Variants in NBAS observed in about 807,000 individuals in gnomAD.
The protein encoded by NBAS is NAG/BC035112 fusion.
NBAS carries 219 observed loss-of-function variants against 302.5 expected under a neutral mutation model. The observed-to-expected ratio is 0.72, with a 90% CI of 0.65 to 0.81. The LOEUF is 0.81. Among genes scored for constraint, NBAS ranks in the 30% least tolerant of loss-of-function variants. NBAS has a pLI of 0.00. For synonymous variants in NBAS, 1,118 were observed against 1,021.6 expected, an observed-to-expected ratio of 1.09 and a Z score of -1.80; for missense variants, 2,932 against 2,841.6, an observed-to-expected ratio of 1.03 and a Z score of -0.72.
chr2:15,025,415 T>C, the NBAS span, among the ~76,000 whole-genome samples: 17 of 152,236 alleles, frequency 1.1e-4, no homozygotes, highest in African/African-American at 3.9e-4. Context: ...TCCAGCTTTG[T>C]TCCTTTTGCT....
chr2:15,324,930 A>G (rs1316250781), intron 38 of NBAS, among the ~76,000 whole-genome samples: 2 of 152,190 alleles, frequency 1.3e-5, no homozygotes, highest in African/African-American at 4.8e-5. Context: ...TAAGGATTCT[A>G]TGAAAACAGG....
intron 6 of NBAS, among the ~76,000 whole-genome samples, chr2:15,541,769 C>G (rs1663839571): frequency 6.8e-6 from 1 of 147,622 alleles, no homozygotes; most frequent in Non-Finnish European, 1.5e-5. Flanking sequence ...GGGTCAGCCC[C>G]CCGCCCAGCC....
chr2:14,805,635 A>G, the NBAS span, among the ~76,000 whole-genome samples: 1 of 152,188 alleles, frequency 6.6e-6, no homozygotes, highest in African/African-American at 2.4e-5. Flanking sequence ...TAAACAAGTG[A>G]GATAATAGTG....
chr2:14,865,113 T>C, the NBAS span, among the ~76,000 whole-genome samples: 7 of 152,216 alleles, frequency 4.6e-5, no homozygotes, highest in African/African-American at 1.7e-4. Context: ...TCTGGGCTTC[T>C]TAACTATACT....
In NBAS at chr2:15,556,801, C is replaced by T. The variant is rs772268045; in HGVS notation, c.191G>A (p.Arg64His). 4.8e-5 allele frequency: 78 copies of T among 1,609,898 alleles called. No homozygotes were observed. Among genetic ancestry groups the T allele is most frequent in the Admixed American group, 2.2e-4 (13 of 59,924 alleles). ...KAIRDRLLFL[R>H]QYIWYSPAPF... ...GACTCACCTGTACCAGATGTATTGGCGTAAAAATAATAAACGATCTGTAAT... is the reference window on the plus strand; with the variant it reads ...GACTCACCTGTACCAGATGTATTGGTGTAAAAATAATAAACGATCTGTAAT... Residue 64 changes from arginine (R) to histidine (H), a missense_variant, in exon 3 of 52, where the codon CGC becomes CAC. Transcript: ENST00000281513.
chr2:15,473,424 G>A (rs969166975), intron 15 of NBAS, 77 bp from the exon 16 acceptor site: 76 of 1,543,640 alleles, frequency 4.9e-5, no homozygotes, highest in Non-Finnish European at 6.3e-5. Context: ...TACAATGAAT[G>A]ATGATAATCC....
chr2:15,177,096 G>T (rs1664577090), intron 51 of NBAS, among the ~76,000 whole-genome samples: 1 of 152,188 alleles, frequency 6.6e-6, no homozygotes, highest in Non-Finnish European at 1.5e-5. Context: ...TGGTAGGCAA[G>T]TGACTCATCT....
the NBAS span, among the ~76,000 whole-genome samples, chr2:15,145,484 T>G: frequency 2.0e-5 from 3 of 151,954 alleles, no homozygotes. Flanking sequence ...GCTTTTATTA[T>G]GGTTTAATCT....
rs901005246 is a variant in NBAS at position 15,523,913 on chromosome 2, CTAAA to C, written c.746+10626_746+10629del. Among the ~76,000 whole-genome samples, 6 of 152,122 alleles carry C rather than the reference CTAAA, an allele frequency of 3.9e-5. No individual in the cohort carries two copies. In the East Asian group the frequency reaches 1.2e-3, roughly 29 times the overall value. On this transcript the variant is annotated intron_variant, in intron 9 of 51. Coordinates refer to ENST00000281513, the MANE Select transcript of NBAS (RefSeq NM_015909.4). ...TGGGGAACAGAGTGAGATTCTGTCT[CTAAA>C]TAAATAAATAAATAAACAAACAAAC... is the stretch of plus-strand genomic sequence containing the variant.
intron 40 of NBAS, among the ~76,000 whole-genome samples, chr2:15,298,391 T>C (rs1307248607): frequency 6.6e-6 from 1 of 152,188 alleles, no homozygotes; most frequent in Non-Finnish European, 1.5e-5. Flanking sequence ...AAAAATTACT[T>C]ACAGGGGAAA....
the NBAS span, among the ~76,000 whole-genome samples, chr2:14,958,158 G>C: frequency 6.6e-6 from 1 of 152,220 alleles, no homozygotes; most frequent in Non-Finnish European, 1.5e-5. Context: ...GATTGCCCCA[G>C]AGTCCCATTT....
chr2:15,421,426 C>T (rs1677207760), intron 23 of NBAS, among the ~76,000 whole-genome samples: 1 of 152,158 alleles, frequency 6.6e-6, no homozygotes, highest in Admixed American at 6.5e-5. Context: ...ATCATATACC[C>T]TAGGTCCTGG....
At chr2:15,260,484 C>T (rs1230392471) in intron 44 of NBAS, among the ~76,000 whole-genome samples, 1 of 151,992 alleles carries the variant, frequency 6.6e-6, no homozygotes, top group African/African-American at 2.4e-5. Flanking sequence ...AGCCTTTAAG[C>T]TTCTGAGTGA....
chr2:15,223,150 G>A (rs1667021426), intron 47 of NBAS, among the ~76,000 whole-genome samples: 1 of 152,160 alleles, frequency 6.6e-6, no homozygotes, highest in Non-Finnish European at 1.5e-5. Flanking sequence ...ATCTCCTGAA[G>A]ATTTTAGCTT....
the NBAS span, among the ~76,000 whole-genome samples, chr2:15,161,781 C>G: frequency 6.6e-6 from 1 of 152,156 alleles, no homozygotes; most frequent in African/African-American, 2.4e-5. Context: ...GGTTGCTGTC[C>G]TCCCAGAAAG....
chr2:15,218,526 C>T (rs928749907), intron 48 of NBAS, among the ~76,000 whole-genome samples: 3 of 152,100 alleles, frequency 2.0e-5, no homozygotes, highest in East Asian at 1.9e-4. Flanking sequence ...CAGGTTTAAG[C>T]GATTCTCCTG....
At chr2:15,557,443 T>C (rs1268625912) in intron 2 of NBAS, among the ~76,000 whole-genome samples, 1 of 152,180 alleles carries the variant, frequency 6.6e-6, no homozygotes, top group African/African-American at 2.4e-5. Context: ...GTCTGTATTT[T>C]CTACAATGAA....
At chr2:15,488,790 G>T in intron 12 of NBAS, 104 bp downstream of exon 12, 1 of 1,420,172 alleles carries the variant, frequency 7.0e-7, no homozygotes, top group East Asian at 2.4e-5. Flanking sequence ...TTGGAACGAT[G>T]AGAATAAACA....
chr2:15,116,493 G>GA, the NBAS span, among the ~76,000 whole-genome samples: 120,446 of 151,896 alleles, frequency 0.79, 49,601 homozygotes, highest in South Asian at 0.93. Flanking sequence ...TCGGATTAGG[G>GA]ATCCCCCTTA....
Sources: gnomAD v4.1 joint callset for allele counts (sites outside exome capture counted in the v4.1 genomes callset) on GRCh38, gnomAD v4.1.1 for gene constraint, MANE v1.5 for transcripts, NCBI Gene and HGNC (gene_info 2026-07-23, HGNC 2026-07-21) for gene names.